The following SPAG7 variants were observed in gnomAD, a reference collection of about 807,000 sequenced individuals.
SPAG7 encodes the protein sperm-associated antigen 7.
Under a neutral mutation model 30.6 loss-of-function variants are expected in SPAG7, and 20 were observed. That is an observed-to-expected ratio of 0.65 (90% CI 0.46 to 0.95). The LOEUF (loss-of-function observed/expected upper bound fraction) is 0.95, where lower values mean the gene tolerates loss of function less well. SPAG7 is among the 40% of genes least tolerant of loss of function. The pLI is 0.00. For missense variants in SPAG7, 276 were observed against 291.1 expected (o/e 0.95, Z 0.38); for synonymous variants, 127 against 104.2 (o/e 1.22, Z -1.33).
chr17:4,966,704 T>A, intron 1 of SPAG7: 30 of 985,446 alleles, frequency 3.0e-5, no homozygotes, highest in Non-Finnish European at 3.4e-5. Flanking sequence ...GTTATTAAAC[T>A]TACGTGTGAT....
At chr17:4,960,949 T>C (rs1412681355) in intron 1 of SPAG7, 96 bp from the exon 2 acceptor site, 1 of 1,069,938 alleles carries the variant, frequency 9.3e-7, no homozygotes, top group Non-Finnish European at 1.4e-6. Context: ...CACTGGGAGG[T>C]GTCAGGCTGG....
intron 1 of SPAG7, 100 bp downstream of exon 1, chr17:4,967,620 G>A (rs1027829201): frequency 3.4e-6 from 3 of 891,482 alleles, no homozygotes; most frequent in South Asian, 2.8e-5. Flanking sequence ...GGGCCTGTGA[G>A]GGGTCTTTCA....
chr17:4,959,946 C>G (rs754208751), intron 5 of SPAG7, 30 bp from the exon 6 acceptor site: 1 of 1,612,862 alleles, frequency 6.2e-7, no homozygotes, highest in Non-Finnish European at 8.5e-7. Context: ...CACTGGTGCT[C>G]AGGGCCCCAG....
intron 1 of SPAG7, among the ~76,000 whole-genome samples, chr17:4,964,828 C>T (rs866300556): frequency 2.6e-5 from 4 of 152,078 alleles, no homozygotes; most frequent in Admixed American, 1.3e-4. Flanking sequence ...CTCTGCCTCC[C>T]GGGTTCCAGT....
intron 1 of SPAG7, chr17:4,966,984 G>A (rs1326298401): frequency 1.7e-5 from 17 of 985,668 alleles, no homozygotes; most frequent in Non-Finnish European, 2.0e-5. Flanking sequence ...GCCCCGGGGA[G>A]GCTCCCACCG....
rs1265315179 is a variant in SPAG7, at chr17:4,960,288, T to C, written c.273A>G (p.Thr91=). The part of the protein sequence containing the change: ...LHDVVEVAGL[T]SFSFGEDDDC... ...CATCATCTTCCCCAAAGGAGAAGGATGTCAGGCCAGCCACTTCCACCACAT... is the reference window on the plus strand; with the variant it reads ...CATCATCTTCCCCAAAGGAGAAGGACGTCAGGCCAGCCACTTCCACCACAT... Residue 91 remains threonine (T), a synonymous_variant, in exon 4 of 7, where the codon ACA becomes ACG. Transcript: ENST00000206020. 6.2e-6 allele frequency: 10 copies of C among 1,614,034 alleles called. No individual in the cohort carries two copies. Among genetic ancestry groups the C allele is most frequent in the Non-Finnish European group, 7.6e-6 (9 of 1,180,014 alleles).
intron 1 of SPAG7, among the ~76,000 whole-genome samples, chr17:4,965,329 A>T (rs1971932123): frequency 6.6e-6 from 1 of 152,064 alleles, no homozygotes; most frequent in Non-Finnish European, 1.5e-5. Context: ...GATTATAGGC[A>T]TGAGCCCTCT....
rs1275020748 is a variant in SPAG7 at position 4,960,420 on chromosome 17, C to T, written c.242+39G>A. 1.9e-6 allele frequency: 3 copies of T among 1,596,456 alleles called. No homozygotes were observed. The South Asian group carries it at 3.3e-5, about 18-fold the overall frequency. On this transcript the variant is annotated intron_variant, in intron 3 of 6. Coordinates refer to ENST00000206020, the MANE Select transcript of SPAG7 (RefSeq NM_004890.3). Reference sequence around the variant, plus strand: ...CGCTGGCCCTTTCATGCCCCGCTAGCCACCCATTTCCTTCCTCCCCCAGCC... The same window carrying T: ...CGCTGGCCCTTTCATGCCCCGCTAGTCACCCATTTCCTTCCTCCCCCAGCC...
intron 1 of SPAG7, among the ~76,000 whole-genome samples, chr17:4,964,239 G>A (rs536503135): frequency 6.6e-6 from 1 of 152,080 alleles, no homozygotes; most frequent in South Asian, 2.1e-4. Flanking sequence ...CTCCATGCTT[G>A]CCTGTCTTCC....
chr17:4,965,021 T>A (rs1971927406), intron 1 of SPAG7, among the ~76,000 whole-genome samples: 2 of 152,198 alleles, frequency 1.3e-5, no homozygotes. Context: ...GTGATTCTCC[T>A]GCCTCAGCCT....
intron 1 of SPAG7, among the ~76,000 whole-genome samples, chr17:4,964,964 C>CA (rs1191351983): frequency 2.0e-4 from 30 of 151,764 alleles, no homozygotes; most frequent in Admixed American, 1.7e-3. Flanking sequence ...GGCTGGAGTG[C>CA]AATGGTGCAA....
chr17:4,963,850 C>A (rs1971904045), intron 1 of SPAG7, among the ~76,000 whole-genome samples: 1 of 152,164 alleles, frequency 6.6e-6, no homozygotes, highest in South Asian at 2.1e-4. Context: ...TAATCTGACA[C>A]CCTTCTCCTT....
rs376818857 is a variant in SPAG7, at chr17:4,964,401, G to C, written c.85+3319C>G. 3.5e-3 allele frequency among the ~76,000 whole-genome samples: 436 copies of C among 124,728 alleles called. 1 individual carries two copies. The highest frequency in any genetic ancestry group is 0.012 in the African/African-American group (396 of 31,690). The allele number at this position is 124,728 out of a possible 152,430, so 81.8% of individuals were successfully genotyped here. On this transcript the variant is annotated intron_variant, in intron 1 of 6. Coordinates refer to ENST00000206020, the MANE Select transcript of SPAG7 (RefSeq NM_004890.3). ...TTTTGAGACGGAGTCTCGCTCTGTC[G>C]CCCAGGCTGGAGTGCAGTGGCGCAA...
At chr17:4,964,517 A>C (rs1971916717) in intron 1 of SPAG7, among the ~76,000 whole-genome samples, 1 of 150,840 alleles carries the variant, frequency 6.6e-6, no homozygotes, top group African/African-American at 2.4e-5. Context: ...GCCCGCCACC[A>C]CGCCTGGAGA....
rs756867917 is a variant in SPAG7 at position 4,959,532 on chromosome 17, G to A, written c.*2C>T. ...GGGGTCAAAGGGAGCTGGGCGGGGCGCCTAGGAGGTTGGCGGCAACTCTTC... is the reference window on the plus strand; with the variant it reads ...GGGGTCAAAGGGAGCTGGGCGGGGCACCTAGGAGGTTGGCGGCAACTCTTC... On this transcript the variant is annotated 3_prime_UTR_variant, in exon 7 of 7. Transcript: ENST00000206020. 16 of 1,611,030 alleles carry A rather than the reference G, an allele frequency of 9.9e-6. No homozygotes were observed. The highest frequency in any genetic ancestry group is 6.7e-5 in the African/African-American group (5 of 74,876).
chr17:4,960,039 C>A lies in SPAG7; in HGVS notation c.400G>T (p.Glu134Ter). ...TAGCTCACCTTCAGCTTCCGCTTCT[C>A]CTCAGCCTTCTGGGGGTCCCATTCC... is the stretch of plus-strand genomic sequence containing the variant. Reference protein sequence around the residue: ...GEEWDPQKAEEKRKLKELAQR... With the variant: ...GEEWDPQKAE Residue 134 changes from glutamate to a stop codon, truncating the protein, a stop_gained, in exon 5 of 7, where the codon GAG becomes TAG. Coordinates refer to ENST00000206020, the MANE Select transcript of SPAG7 (RefSeq NM_004890.3). LOFTEE classifies it high-confidence loss of function. 6.2e-7 allele frequency: 1 copy of A among 1,614,182 alleles called. No individual in the cohort carries two copies. Among genetic ancestry groups the A allele is most frequent in the Non-Finnish European group, 8.5e-7 (1 of 1,180,016 alleles).
At position 4,959,946 on chromosome 17, in the gene SPAG7, C is replaced by T. The variant is rs754208751; in HGVS notation, c.418-30G>A. 3.7e-6 allele frequency: 6 copies of T among 1,612,744 alleles called. No individual in the cohort carries two copies. In the Middle Eastern group the frequency reaches 4.9e-4, roughly 133 times the overall value. On this transcript the variant is annotated intron_variant, in intron 5 of 6. Transcript: ENST00000206020. ...GGGTGAAAGTGGGGGCACTGGTGCT[C>T]AGGGCCCCAGCCCAAACCCCCACCC...
In SPAG7 at chr17:4,964,748, T is replaced by C. The variant is rs950321413; in HGVS notation, c.85+2972A>G. The stretch of plus-strand genomic sequence containing the variant: ...GAACCTCTCCCCATCATTTATTTAT[T>C]TATTTCGAGACAGAGTCTCGCTGTG... On this transcript the variant is annotated intron_variant, in intron 1 of 6. Coordinates refer to ENST00000206020, the MANE Select transcript of SPAG7 (RefSeq NM_004890.3). Among the ~76,000 whole-genome samples, 14 of 151,316 alleles carry C rather than the reference T, an allele frequency of 9.3e-5. No homozygotes were observed. The South Asian group carries it at 2.9e-3, about 32-fold the overall frequency.
chr17:4,961,168 G>A (rs560131796), intron 1 of SPAG7, among the ~76,000 whole-genome samples: 7 of 152,212 alleles, frequency 4.6e-5, no homozygotes, highest in African/African-American at 1.7e-4. Flanking sequence ...AAGAGATTAA[G>A]AATAATAGAC....
Sources: gnomAD v4.1 joint callset for allele counts (sites outside exome capture counted in the v4.1 genomes callset) on GRCh38, gnomAD v4.1.1 for gene constraint, MANE v1.5 for transcripts, NCBI Gene and HGNC (gene_info 2026-07-23, HGNC 2026-07-21) for gene names.